The following AUTS2 variants were observed in gnomAD, a reference collection of about 807,000 sequenced individuals.
The protein encoded by AUTS2 is activator of transcription and developmental regulator AUTS2, also known as autism susceptibility gene 2 protein.
In AUTS2, 17 loss-of-function variants were observed where a neutral mutation model predicts 112.4. That is an observed-to-expected ratio of 0.15 (90% CI 0.10 to 0.23). The LOEUF (loss-of-function observed/expected upper bound fraction) is 0.23. AUTS2 is among the 10% of genes least tolerant of loss of function. The probability of loss-of-function intolerance (pLI) is 1.00; values close to 1 mark genes in which losing one functional copy is unlikely to be tolerated. For missense variants in AUTS2, 1,510 were observed against 1,701.6 expected (o/e 0.89, Z 1.98); for synonymous variants, 751 against 702.7 (o/e 1.07, Z -1.09).
At chr7:69,788,967 T>C (rs982335365) in intron 1 of AUTS2, among the ~76,000 whole-genome samples, 3 of 152,112 alleles carry the variant, frequency 2.0e-5, no homozygotes, top group African/African-American at 4.8e-5. Flanking sequence ...AGGAAACATA[T>C]CAGGTTTCTA....
At chr7:69,995,953 C>T (rs1584544550) in intron 2 of AUTS2, among the ~76,000 whole-genome samples, 2 of 152,274 alleles carry the variant, frequency 1.3e-5, no homozygotes, top group South Asian at 2.1e-4. Flanking sequence ...TCCAGTAATG[C>T]GAGTCGGCAG....
chr7:69,730,664 C>G (rs1282473271), intron 1 of AUTS2, among the ~76,000 whole-genome samples: 1 of 152,158 alleles, frequency 6.6e-6, no homozygotes, highest in Non-Finnish European at 1.5e-5. Context: ...GCACTTAAGC[C>G]TTCTCTTAAG....
intron 2 of AUTS2, among the ~76,000 whole-genome samples, chr7:70,015,458 G>A (rs753656893): frequency 1.3e-5 from 2 of 152,202 alleles, no homozygotes; most frequent in African/African-American, 2.4e-5. Flanking sequence ...AAGCAGATGT[G>A]TCTAAATTCT....
chr7:70,372,063 GTTTCC>G (rs1349355979), intron 4 of AUTS2, among the ~76,000 whole-genome samples: 1 of 152,226 alleles, frequency 6.6e-6, no homozygotes, highest in East Asian at 1.9e-4. Flanking sequence ...TTGGCACCAA[GTTTCC>G]AATGCTGAAA....
chr7:69,777,211 T>G (rs1788934226), intron 1 of AUTS2, among the ~76,000 whole-genome samples: 1 of 152,202 alleles, frequency 6.6e-6, no homozygotes, highest in Non-Finnish European at 1.5e-5. Flanking sequence ...GTGCACGTTT[T>G]AATAAATGGA....
chr7:69,636,588 C>A (rs1221486936), intron 1 of AUTS2, among the ~76,000 whole-genome samples: 1 of 150,028 alleles, frequency 6.7e-6, no homozygotes, highest in African/African-American at 2.5e-5. Flanking sequence ...CATTTACAAC[C>A]TAGTATTTTT....
intron 4 of AUTS2, among the ~76,000 whole-genome samples, chr7:70,266,531 G>A (rs2129608178): frequency 6.6e-6 from 1 of 152,130 alleles, no homozygotes; most frequent in Non-Finnish European, 1.5e-5. Context: ...TTGCATAAAA[G>A]AACATTTAAA....
intron 1 of AUTS2, among the ~76,000 whole-genome samples, chr7:69,789,935 AAT>A (rs1789541447): frequency 6.6e-6 from 1 of 151,450 alleles, no homozygotes. Flanking sequence ...TGCTTAAATA[AAT>A]ATCTTTTTTT....
chr7:70,076,192 A>G (rs2129563814), intron 2 of AUTS2, among the ~76,000 whole-genome samples: 1 of 152,256 alleles, frequency 6.6e-6, no homozygotes, highest in South Asian at 2.1e-4. Context: ...TTTTGGCGTA[A>G]AGACGTTTTA....
intron 5 of AUTS2, among the ~76,000 whole-genome samples, chr7:70,454,398 G>A (rs554292723): frequency 2.0e-4 from 31 of 152,112 alleles, no homozygotes; most frequent in East Asian, 1.6e-3. Flanking sequence ...TTAGCTGGAC[G>A]TGGTGGCAGG....
At chr7:69,625,953 T>C (rs1254540421) in intron 1 of AUTS2, among the ~76,000 whole-genome samples, 2 of 152,158 alleles carry the variant, frequency 1.3e-5, no homozygotes, top group Non-Finnish European at 2.9e-5. Context: ...GAGAAGACTC[T>C]ATGAACATTA....
chr7:70,788,612 GT>G (rs1218415527), intron 18 of AUTS2, among the ~76,000 whole-genome samples: 1 of 152,214 alleles, frequency 6.6e-6, no homozygotes, highest in Non-Finnish European at 1.5e-5. Context: ...CCCTTTGCGT[GT>G]TTTTCTGGAT....
At chr7:70,456,397 T>C (rs755074860) in intron 5 of AUTS2, among the ~76,000 whole-genome samples, 13 of 152,272 alleles carry the variant, frequency 8.5e-5, no homozygotes, top group Non-Finnish European at 1.6e-4. Context: ...CAAATGAACA[T>C]GTTTGCTCTT....
intron 2 of AUTS2, among the ~76,000 whole-genome samples, chr7:69,989,735 C>T (rs534295607): frequency 3.3e-5 from 5 of 152,288 alleles, no homozygotes; most frequent in East Asian, 1.9e-4. Context: ...AGGGACCCCC[C>T]GCCCCGGGCC....
chr7:70,431,440 G>A (rs1428713719), intron 4 of AUTS2, among the ~76,000 whole-genome samples: 3 of 152,084 alleles, frequency 2.0e-5, no homozygotes, highest in Non-Finnish European at 4.4e-5. Context: ...CTGTTGCCCA[G>A]GGTGGAGTGA....
chr7:70,656,837 A>G (rs1806794032), intron 5 of AUTS2, among the ~76,000 whole-genome samples: 1 of 152,226 alleles, frequency 6.6e-6, no homozygotes, highest in African/African-American at 2.4e-5. Flanking sequence ...CAGATTTCTC[A>G]GGACATTTCC....
rs139120482 is a variant in AUTS2 at position 70,374,032 on chromosome 7, G to A, written c.661-61720G>A. On this transcript the variant is annotated intron_variant, in intron 4 of 18. Transcript: ENST00000342771. ...ACCTATCTCCTGCAACTAAAATGCA[G>A]TGTTAGTTTATAATTTTTATCCATT... Among the ~76,000 whole-genome samples, 20 of 152,186 alleles carry A rather than the reference G, an allele frequency of 1.3e-4. No homozygotes were observed. The East Asian group carries it at 3.9e-3, about 29-fold the overall frequency.
chr7:69,688,259 C>T (rs909056326), intron 1 of AUTS2, among the ~76,000 whole-genome samples: 4 of 152,206 alleles, frequency 2.6e-5, no homozygotes, highest in African/African-American at 9.6e-5. Context: ...GTCAGGGGAG[C>T]ATGCTGAATA....
chr7:70,447,327 A>G (rs980006845), intron 5 of AUTS2, among the ~76,000 whole-genome samples: 6 of 152,238 alleles, frequency 3.9e-5, no homozygotes, highest in Admixed American at 2.6e-4. Context: ...AGGTTCTGTA[A>G]CTTACATTAT....
Sources: gnomAD v4.1 joint callset for allele counts (sites outside exome capture counted in the v4.1 genomes callset) on GRCh38, gnomAD v4.1.1 for gene constraint, MANE v1.5 for transcripts, NCBI Gene and HGNC (gene_info 2026-07-23, HGNC 2026-07-21) for gene names.